CASD1: variants seen among roughly 807,000 people sequenced by gnomAD.
CASD1 encodes the protein N-acetylneuraminate (7)9-O-acetyltransferase.
A neutral mutation model predicts 100.0 loss-of-function variants in CASD1; 41 were observed. The ratio of observed to expected loss-of-function variants is 0.41; its 90% CI spans 0.32 to 0.53. The LOEUF (loss-of-function observed/expected upper bound fraction) is 0.53. Among genes scored for constraint, CASD1 ranks in the 20% least tolerant of loss-of-function variants. The pLI, the probability that CASD1 is intolerant of heterozygous loss-of-function variation, is 0.25. For missense variants in CASD1, 774 were observed against 948.7 expected (o/e 0.82, Z 2.42); for synonymous variants, 321 against 315.6 (o/e 1.02, Z -0.18).
At chr7:94,574,971 A>G in the CASD1 span, among the ~76,000 whole-genome samples, 24 of 151,986 alleles carry the variant, frequency 1.6e-4, no homozygotes, top group Non-Finnish European at 1.3e-4. Flanking sequence ...CTCCATCTCA[A>G]AACAAACAAA....
the CASD1 span, among the ~76,000 whole-genome samples, chr7:94,609,656 AAC>A: frequency 6.6e-6 from 1 of 152,210 alleles, no homozygotes; most frequent in South Asian, 2.1e-4. Context: ...GACAAATGAA[AAC>A]AGTGAGATAC....
intron 10 of CASD1, among the ~76,000 whole-genome samples, chr7:94,540,021 C>T (rs1453183219): frequency 1.3e-5 from 2 of 151,992 alleles, no homozygotes; most frequent in East Asian, 3.9e-4. Context: ...AAGTTTTTTC[C>T]TTCTCCATGG....
At chr7:94,598,839 T>A in the CASD1 span, 1 of 1,613,428 alleles carries the variant, frequency 6.2e-7, no homozygotes, top group East Asian at 2.2e-5. Flanking sequence ...GGAGGTATGA[T>A]TTCCCCAGTC....
the CASD1 span, chr7:94,600,709 G>A: frequency 8.1e-6 from 13 of 1,613,812 alleles, no homozygotes; most frequent in Admixed American, 8.3e-5. Flanking sequence ...TGCCACTGCC[G>A]AGGGCACAGC....
chr7:94,539,008 C>T lies in CASD1; in HGVS notation c.1308C>T (p.Gly436=). 6.2e-7 allele frequency: 1 copy of T among 1,609,994 alleles called. No individual in the cohort carries two copies. Among genetic ancestry groups the T allele is most frequent in the African/African-American group, 1.3e-5 (1 of 74,870 alleles). The part of the protein sequence containing the change: ...LNREQTDEWK[G]WMQLVILIYH... ...GAGAACAAACAGACGAATGGAAAGG[C>T]TGGATGCAACTTGTGATTTTGATTT... is the stretch of plus-strand genomic sequence containing the variant. Residue 436 remains glycine (G), a synonymous_variant, in exon 10 of 18, where the codon GGC becomes GGT. Coordinates refer to ENST00000297273, the MANE Select transcript of CASD1 (RefSeq NM_022900.5).
At chr7:94,518,149 T>C (rs1215499654) in intron 2 of CASD1, 54 bp from the exon 3 acceptor site, 1 of 1,457,134 alleles carries the variant, frequency 6.9e-7, no homozygotes, top group Non-Finnish European at 9.1e-7. Context: ...TGCTTTGAAA[T>C]GCCAGGATGG....
the CASD1 span, chr7:94,585,445 G>A: frequency 2.0e-6 from 3 of 1,536,834 alleles, no homozygotes; most frequent in Admixed American, 3.3e-5. Context: ...GAAATGTGAT[G>A]TAACTGCTAT....
At chr7:94,604,771 A>G in the CASD1 span, among the ~76,000 whole-genome samples, 1 of 123,324 alleles carries the variant, frequency 8.1e-6, no homozygotes, top group African/African-American at 3.0e-5. Flanking sequence ...TTGAAAACTA[A>G]TCATAGAATT....
chr7:94,588,878 T>C, the CASD1 span: 3 of 824,862 alleles, frequency 3.6e-6, no homozygotes, highest in Non-Finnish European at 6.0e-6. Context: ...TTCATGAGCT[T>C]ACAGATGAGG....
the CASD1 span, among the ~76,000 whole-genome samples, chr7:94,568,484 A>G: frequency 2.0e-5 from 3 of 152,214 alleles, no homozygotes; most frequent in Admixed American, 6.5e-5. Context: ...GCTATGTTAG[A>G]AAAAAATTTT....
At chr7:94,625,951 A>G in the CASD1 span, 1 of 152,078 alleles carries the variant, frequency 6.6e-6, no homozygotes, top group Non-Finnish European at 1.5e-5. Flanking sequence ...AGGGATACTC[A>G]ACTGTATGAG....
the CASD1 span, among the ~76,000 whole-genome samples, chr7:94,603,993 G>C: frequency 1.3e-5 from 2 of 152,094 alleles, no homozygotes; most frequent in Non-Finnish European, 2.9e-5. Flanking sequence ...ACCCCTATAT[G>C]CTTGGTCTCT....
the CASD1 span, chr7:94,618,726 T>C: frequency 1.3e-6 from 2 of 1,560,548 alleles, no homozygotes; most frequent in Non-Finnish European, 8.8e-7. Flanking sequence ...TAAAAATCTA[T>C]ATTTAAGGCA....
chr7:94,541,367 C>A (rs1039375515), intron 10 of CASD1, among the ~76,000 whole-genome samples: 2 of 151,470 alleles, frequency 1.3e-5, no homozygotes, highest in African/African-American at 4.8e-5. Context: ...ATAACTGTAT[C>A]AAAAATTCTA....
the CASD1 span, among the ~76,000 whole-genome samples, chr7:94,584,507 G>A: frequency 1.3e-5 from 2 of 152,216 alleles, no homozygotes; most frequent in Admixed American, 1.3e-4. Context: ...ATATGACAGA[G>A]TATTCTCCCT....
intron 10 of CASD1, among the ~76,000 whole-genome samples, chr7:94,540,175 C>A (rs1228914176): frequency 6.6e-6 from 1 of 152,112 alleles, no homozygotes; most frequent in African/African-American, 2.4e-5. Context: ...AGCCACTTTT[C>A]ACACAAGTTT....
At chr7:94,559,325 T>C (rs959744857), downstream of CASD1, among the ~76,000 whole-genome samples, 5 of 129,438 alleles carry the variant, frequency 3.9e-5, no homozygotes, top group Non-Finnish European at 6.9e-5. Flanking sequence ...TGTGTGTGTG[T>C]ATATATATAT....
intron 17 of CASD1, 22 bp downstream of exon 17, chr7:94,554,597 T>C (rs1298212622): frequency 6.7e-7 from 1 of 1,489,610 alleles, no homozygotes; most frequent in South Asian, 1.1e-5. Context: ...AATATTTTGC[T>C]TATCTTACAC....
chr7:94,627,231 T>C, the CASD1 span: 1 of 152,200 alleles, frequency 6.6e-6, no homozygotes, highest in East Asian at 1.9e-4. Context: ...GAAAAATTCA[T>C]AGTATGTAAT....
Sources: gnomAD v4.1 joint callset for allele counts (sites outside exome capture counted in the v4.1 genomes callset) on GRCh38, gnomAD v4.1.1 for gene constraint, MANE v1.5 for transcripts, NCBI Gene and HGNC (gene_info 2026-07-23, HGNC 2026-07-21) for gene names.